The following PDS5A variants were observed in gnomAD, a reference collection of about 807,000 sequenced individuals.
PDS5A encodes the protein sister chromatid cohesion protein PDS5 homolog A.
PDS5A carries 42 observed loss-of-function variants against 167.1 expected under a neutral mutation model. The observed-to-expected ratio is 0.25, with a 90% CI of 0.20 to 0.33. The LOEUF is 0.33. Ranked by LOEUF, PDS5A falls within the 10% of genes least tolerant of loss-of-function variation. The pLI is 1.00. For synonymous variants in PDS5A, 553 were observed against 554.6 expected (o/e 1.00, Z 0.04); for missense variants, 1,033 against 1,605.9 (o/e 0.64, Z 6.10).
chr4:39,849,216 A>C (rs1367074291), intron 27 of PDS5A, among the ~76,000 whole-genome samples: 1 of 152,184 alleles, frequency 6.6e-6, no homozygotes, highest in Non-Finnish European at 1.5e-5. Flanking sequence ...CAACCCAAAG[A>C]AAGCACACAA....
At chr4:39,866,751 G>T in intron 23 of PDS5A, 110 bp downstream of exon 23, 1 of 898,070 alleles carries the variant, frequency 1.1e-6, no homozygotes, top group Non-Finnish European at 1.7e-6. Flanking sequence ...ATCTGACCCT[G>T]AAGATCATGG....
At chr4:39,864,536 G>A (rs765343676) in intron 23 of PDS5A, among the ~76,000 whole-genome samples, 35 of 152,182 alleles carry the variant, frequency 2.3e-4, no homozygotes, top group Non-Finnish European at 4.6e-4. Context: ...AACATAGCAT[G>A]GCTTTTGTAT....
At chr4:39,907,847 A>C (rs1311443112) in intron 11 of PDS5A, among the ~76,000 whole-genome samples, 2 of 152,070 alleles carry the variant, frequency 1.3e-5, no homozygotes, top group Non-Finnish European at 2.9e-5. Flanking sequence ...CGGCCTCCCA[A>C]AGTGCTGGGA....
At chr4:39,961,057 C>G (rs1170291614) in intron 2 of PDS5A, among the ~76,000 whole-genome samples, 2 of 150,884 alleles carry the variant, frequency 1.3e-5, no homozygotes, top group Middle Eastern at 6.8e-3. Flanking sequence ...CAATCCTCCA[C>G]CTCGCTCTCC....
chr4:39,823,194 G>A lies in PDS5A; in HGVS notation c.*2291C>T, dbSNP rs1362997193. 1 of 152,330 alleles carries A rather than the reference G, an allele frequency of 6.6e-6. No individual in the cohort carries two copies. Among genetic ancestry groups the A allele is most frequent in the African/African-American group, 2.4e-5 (1 of 41,368 alleles). The allele number at this position is 152,330 out of a possible 1,614,324, so 9.4% of individuals were successfully genotyped here. ...GAGATGTGAATACCAAATTCCTAAG[G>A]GATTTTAATGTTTTCCTTTGAAAAG... On this transcript the variant is annotated 3_prime_UTR_variant, in exon 33 of 33. Transcript: ENST00000303538.
chr4:39,929,151 T>C (rs187688193), intron 2 of PDS5A, among the ~76,000 whole-genome samples: 8 of 152,228 alleles, frequency 5.3e-5, no homozygotes, highest in African/African-American at 1.9e-4. Context: ...GTTTACTTAA[T>C]CTGTGTGATG....
chr4:39,857,646 TAAG>T lies in PDS5A; in HGVS notation c.3086+4570_3086+4572del, dbSNP rs2109534900. Among the ~76,000 whole-genome samples, 3 of 152,072 alleles carry T rather than the reference TAAG, an allele frequency of 2.0e-5. No individual in the cohort carries two copies. In the South Asian group the frequency reaches 6.2e-4, roughly 32 times the overall value. Reference sequence around the variant, plus strand: ...TAAAATAGATTTAAACTCAAAAAGGTAAGAAGAGACCACAAAGACTGTAGTGAT... The same window carrying T: ...TAAAATAGATTTAAACTCAAAAAGGTAAGAGACCACAAAGACTGTAGTGAT... On this transcript the variant is annotated intron_variant, in intron 26 of 32. Coordinates refer to ENST00000303538, the MANE Select transcript of PDS5A (RefSeq NM_001100399.2).
At chr4:39,841,848 A>T in intron 31 of PDS5A, 100 bp downstream of exon 31, 1 of 665,352 alleles carries the variant, frequency 1.5e-6, no homozygotes, top group Non-Finnish European at 2.7e-6. Context: ...TTTAAAATGT[A>T]GCATGTGCAT....
chr4:39,948,621 A>ATTTTTTT (rs55951253), intron 2 of PDS5A, among the ~76,000 whole-genome samples: 1 of 110,932 alleles, frequency 9.0e-6, no homozygotes, highest in African/African-American at 3.5e-5. Context: ...CCACGCCTGG[A>ATTTTTTT]TTTTTTTTTT....
intron 8 of PDS5A, among the ~76,000 whole-genome samples, chr4:39,916,822 C>T (rs1028273592): frequency 3.3e-5 from 5 of 151,712 alleles, no homozygotes; most frequent in East Asian, 1.9e-4. Context: ...GCCGAGACTG[C>T]GCCATTGCAC....
chr4:39,863,130 G>A, intron 24 of PDS5A, 57 bp from the exon 25 acceptor site: 1 of 1,338,046 alleles, frequency 7.5e-7, no homozygotes, highest in Non-Finnish European at 1.1e-6. Context: ...AAAAACAGCA[G>A]TTTAAGTATT....
Position 39,910,332 on chromosome 4 carries a change from A to C in PDS5A, c.999T>G (p.Asn333Lys). The change falls in exon 10 of 33, where the codon AAT becomes AAG. Residue 333 changes from asparagine (N) to lysine (K), a missense_variant. Around this residue, in one of 4 missense-constraint regions of PDS5A, gnomAD observed 388 missense variants for 615.1 expected, o/e 0.63. Transcript: ENST00000303538. ...PLWQCFLGRFNDIHVPVRLES... is the reference protein window; with the variant it reads ...PLWQCFLGRFKDIHVPVRLES... ...CTAATCTCACAGGAACATGAATATC[A>C]TTAAATCTACACAGAAAAAGATTGC... 2 of 1,476,078 alleles carry C rather than the reference A, an allele frequency of 1.4e-6. No homozygotes were observed. The highest frequency in any genetic ancestry group is 1.9e-6 in the Non-Finnish European group (2 of 1,062,672). 91.4% of individuals were successfully genotyped at this position (1,476,078 alleles called of 1,614,324 possible). A position where few individuals can be genotyped will look rare whatever the true frequency, so the allele number is the denominator to read the frequency against.
intron 22 of PDS5A, among the ~76,000 whole-genome samples, chr4:39,869,135 G>A (rs13148452): frequency 0.22 from 33,692 of 152,106 alleles, 4,701 homozygotes; most frequent in Middle Eastern, 0.33. Context: ...TTAAAATAAA[G>A]TACCTCCTTA....
At chr4:39,946,056 A>C (rs1389512322) in intron 2 of PDS5A, among the ~76,000 whole-genome samples, 1 of 151,804 alleles carries the variant, frequency 6.6e-6, no homozygotes, top group Non-Finnish European at 1.5e-5. Context: ...AAAACACAAA[A>C]ATTAGCTGGG....
At chr4:39,859,048 G>A (rs1354649737) in intron 26 of PDS5A, among the ~76,000 whole-genome samples, 1 of 152,084 alleles carries the variant, frequency 6.6e-6, no homozygotes, top group African/African-American at 2.4e-5. Flanking sequence ...CCTGATAAGA[G>A]ATAAATACCC....
chr4:39,875,243 A>C (rs1464722449), intron 19 of PDS5A, among the ~76,000 whole-genome samples: 1 of 152,190 alleles, frequency 6.6e-6, no homozygotes, highest in Admixed American at 6.5e-5. Context: ...GGTAGAATGA[A>C]GAAAATAGTG....
intron 32 of PDS5A, among the ~76,000 whole-genome samples, chr4:39,833,411 C>G (rs1217448837): frequency 1.3e-5 from 2 of 152,072 alleles, no homozygotes; most frequent in East Asian, 3.9e-4. Context: ...GTGACAGGGT[C>G]TCCTCGGTCA....
At chr4:39,831,638 G>A (rs898215752) in intron 32 of PDS5A, among the ~76,000 whole-genome samples, 6 of 151,490 alleles carry the variant, frequency 4.0e-5, no homozygotes, top group African/African-American at 7.3e-5. Context: ...AGCACTTTGG[G>A]AGGCCAAGGT....
At chr4:39,909,944 A>G in intron 10 of PDS5A, 1 of 219,768 alleles carries the variant, frequency 4.6e-6, no homozygotes, top group Non-Finnish European at 8.9e-6. Context: ...GGATTAAAAT[A>G]TGAAGATTTT....
Sources: allele counts gnomAD v4.1 joint callset (sites outside exome capture counted in the v4.1 genomes callset), GRCh38; gene constraint gnomAD v4.1.1; regional missense constraint gnomAD v4.1.1; transcripts MANE v1.5; gene names NCBI Gene and HGNC (gene_info 2026-07-23, HGNC 2026-07-21).